Variants in TBC1D4 observed in about 807,000 individuals in gnomAD.
The protein encoded by TBC1D4 is TBC1 domain family member 4.
TBC1D4 carries 121 observed loss-of-function variants against 142.5 expected under a neutral mutation model. That is an observed-to-expected ratio of 0.85 (90% CI 0.73 to 0.99). TBC1D4 has a LOEUF of 0.99. Ranked by LOEUF, TBC1D4 falls within the 50% of genes least tolerant of loss-of-function variation. TBC1D4 has a pLI of 0.00. For synonymous variants in TBC1D4, 630 were observed against 628.2 expected (o/e 1.00, Z -0.04); for missense variants, 1,475 against 1,606.6 (o/e 0.92, Z 1.40).
At chr13:75,428,880 C>A (rs1310960511) in intron 1 of TBC1D4, among the ~76,000 whole-genome samples, 1 of 152,182 alleles carries the variant, frequency 6.6e-6, no homozygotes, top group Non-Finnish European at 1.5e-5. Flanking sequence ...CCAGCCATGA[C>A]AGCTTTGGTC....
rs1880696031 is a variant in TBC1D4 at position 75,341,491 on chromosome 13, G to A, written c.1500+5C>T. On this transcript the variant is annotated splice_donor_5th_base_variant and intron_variant, in intron 6 of 20. Coordinates refer to ENST00000377636, the MANE Select transcript of TBC1D4 (RefSeq NM_014832.5). ...CTTATTTATGAGACCTACAAATAAT[G>A]TTACCTGAACTCTTTCAAAGATGTC... 6.2e-7 allele frequency: 1 copy of A among 1,612,882 alleles called. No individual in the cohort carries two copies. Among genetic ancestry groups the A allele is most frequent in the Non-Finnish European group, 8.5e-7 (1 of 1,179,068 alleles).
intron 1 of TBC1D4, among the ~76,000 whole-genome samples, chr13:75,410,117 A>T (rs1885564294): frequency 6.6e-6 from 1 of 152,234 alleles, no homozygotes; most frequent in Non-Finnish European, 1.5e-5. Context: ...AAGCTAATGT[A>T]CGTAAATAAC....
At chr13:75,416,834 G>A (rs2138102205) in intron 1 of TBC1D4, among the ~76,000 whole-genome samples, 1 of 152,328 alleles carries the variant, frequency 6.6e-6, no homozygotes. Context: ...TGAGGCACAA[G>A]GGCAGGGTGG....
intron 7 of TBC1D4, among the ~76,000 whole-genome samples, chr13:75,337,956 G>A (rs931170840): frequency 1.3e-5 from 2 of 152,154 alleles, no homozygotes; most frequent in Non-Finnish European, 2.9e-5. Flanking sequence ...CCTAATAGAA[G>A]GGAGCAGTAG....
Position 75,471,500 on chromosome 13 carries a change from G to A in TBC1D4, c.498+9770C>T, listed in dbSNP as rs958337666. On this transcript the variant is annotated intron_variant, in intron 1 of 20. Transcript: ENST00000377636. ...AGCCTATAATCCCAGCACTTTGGGA[G>A]GCCAAGGCGGGAGAATCACTTGAGG... is the stretch of plus-strand genomic sequence containing the variant. 3.9e-5 allele frequency among the ~76,000 whole-genome samples: 6 copies of A among 152,340 alleles called. No homozygotes were observed. In the East Asian group the frequency reaches 1.2e-3, roughly 29 times the overall value.
At chr13:75,434,555 C>T (rs927909964) in intron 1 of TBC1D4, among the ~76,000 whole-genome samples, 6 of 151,892 alleles carry the variant, frequency 4.0e-5, no homozygotes, top group African/African-American at 1.2e-4. Flanking sequence ...GGGCCTAATA[C>T]CTGGGTGATG....
chr13:75,417,999 T>C (rs756378053), intron 1 of TBC1D4, among the ~76,000 whole-genome samples: 1 of 152,242 alleles, frequency 6.6e-6, no homozygotes, highest in South Asian at 2.1e-4. Context: ...TAAATCCCAG[T>C]ATGTGAAATA....
chr13:75,398,845 G>A (rs1884935162), intron 1 of TBC1D4, among the ~76,000 whole-genome samples: 1 of 152,114 alleles, frequency 6.6e-6, no homozygotes, highest in African/African-American at 2.4e-5. Flanking sequence ...CTGAGGACCT[G>A]TCTCCCAGAC....
chr13:75,306,366 C>T lies in TBC1D4; in HGVS notation c.2699G>A (p.Cys900Tyr), dbSNP rs760242565. 16 of 1,613,154 alleles carry T rather than the reference C, an allele frequency of 9.9e-6. No individual in the cohort carries two copies. The Admixed American group carries it at 1.0e-4, about 10-fold the overall frequency. Residue 900 changes from cysteine (C) to tyrosine (Y), a missense_variant, in exon 15 of 21, where the codon TGC (cysteine) becomes TAC (tyrosine). Cys to Tyr is a radical substitution (Grantham distance 194, BLOSUM62 -2). Around this residue, in one of 2 missense-constraint regions of TBC1D4, gnomAD observed 1,227 missense variants for 1,267.7 expected, o/e 0.97. Coordinates refer to ENST00000377636, the MANE Select transcript of TBC1D4 (RefSeq NM_014832.5). ...LITWDKKLLN[C>Y]RAKIRCDMED... ...CATATCACATCTGATTTTAGCTCTGCAGTTTAACAACTTCTTATCCCAAGT... is the reference window on the plus strand; with the variant it reads ...CATATCACATCTGATTTTAGCTCTGTAGTTTAACAACTTCTTATCCCAAGT...
chr13:75,416,905 C>A (rs548323706), intron 1 of TBC1D4, among the ~76,000 whole-genome samples: 1 of 152,238 alleles, frequency 6.6e-6, no homozygotes, highest in South Asian at 2.1e-4. Flanking sequence ...TTTCTTCTGA[C>A]CCCTGGAGGA....
chr13:75,482,017 C>G lies in TBC1D4; in HGVS notation c.-250G>C. On this transcript the variant is annotated 5_prime_UTR_variant, in exon 1 of 21. It removes an upstream start codon present in the reference 5' UTR. Transcript: ENST00000377636. ...GGCAGGCGAGGGCGGGTTAAATGGG[C>G]ATCCTCCTCCTTGGGCTGGCGCCTC... The G allele has an allele frequency of 2.4e-6, 1 of 414,768 alleles. No homozygotes were observed. Among genetic ancestry groups the G allele is most frequent in the Non-Finnish European group, 4.1e-6 (1 of 244,866 alleles). 25.7% of individuals were successfully genotyped at this position (414,768 alleles called of 1,614,324 possible). A position where few individuals can be genotyped will look rare whatever the true frequency, so the allele number is the denominator to read the frequency against.
chr13:75,352,329 T>C (rs1038394141), intron 4 of TBC1D4, among the ~76,000 whole-genome samples: 1 of 152,174 alleles, frequency 6.6e-6, no homozygotes, highest in Non-Finnish European at 1.5e-5. Context: ...TGAAATACCA[T>C]GCTTATTTCA....
intron 1 of TBC1D4, among the ~76,000 whole-genome samples, chr13:75,438,548 T>C (rs1886897779): frequency 6.6e-6 from 1 of 152,210 alleles, no homozygotes; most frequent in Non-Finnish European, 1.5e-5. Context: ...AACCTGTCGC[T>C]ATGTTCTATA....
chr13:75,451,074 T>C (rs964406985), intron 1 of TBC1D4, among the ~76,000 whole-genome samples: 5 of 152,178 alleles, frequency 3.3e-5, no homozygotes, highest in South Asian at 2.1e-4. Context: ...GCCTGCAAAA[T>C]TGATCTATTA....
chr13:75,340,183 G>T (rs146026798), intron 7 of TBC1D4, among the ~76,000 whole-genome samples: 1 of 152,208 alleles, frequency 6.6e-6, no homozygotes, highest in African/African-American at 2.4e-5. Context: ...CTCATAGAAG[G>T]TTCTCAAGAA....
intron 1 of TBC1D4, among the ~76,000 whole-genome samples, chr13:75,448,395 C>T (rs1468897859): frequency 6.6e-6 from 1 of 152,106 alleles, no homozygotes; most frequent in East Asian, 1.9e-4. Flanking sequence ...TGGAGAAACC[C>T]TGTCTCTACT....
chr13:75,421,444 G>C (rs898632755), intron 1 of TBC1D4, among the ~76,000 whole-genome samples: 1 of 152,212 alleles, frequency 6.6e-6, no homozygotes, highest in Non-Finnish European at 1.5e-5. Context: ...TGATGGGAGA[G>C]ACTCCTTAGT....
intron 19 of TBC1D4, 93 bp downstream of exon 19, chr13:75,292,009 C>A: frequency 2.8e-6 from 3 of 1,061,128 alleles, no homozygotes; most frequent in African/African-American, 1.6e-5. Flanking sequence ...ATGAAAATAT[C>A]TGTCAAGCAA....
chr13:75,419,703 T>G (rs1365494309), intron 1 of TBC1D4, among the ~76,000 whole-genome samples: 1 of 152,186 alleles, frequency 6.6e-6, no homozygotes, highest in Non-Finnish European at 1.5e-5. Flanking sequence ...CCCAGTCACC[T>G]CCATCTGGTA....
Sources: gnomAD v4.1 joint callset for allele counts (sites outside exome capture counted in the v4.1 genomes callset) on GRCh38, gnomAD v4.1.1 for gene constraint, gnomAD v4.1.1 regional missense constraint, MANE v1.5 for transcripts, NCBI Gene and HGNC (gene_info 2026-07-23, HGNC 2026-07-21) for gene names.